Variants in TARS3 observed in about 807,000 individuals in gnomAD.
TARS3 encodes the protein threonyl-tRNA synthetase 3.
In TARS3, 94 loss-of-function variants were observed where a neutral mutation model predicts 103.5. The ratio of observed to expected loss-of-function variants is 0.91; its 90% confidence interval spans 0.77 to 1.08. The LOEUF is 1.08. Ranked by LOEUF, TARS3 falls within the 50% of genes least tolerant of loss-of-function variation. The pLI is 0.00. For missense variants in TARS3, 952 were observed against 995.2 expected (o/e 0.96, Z 0.58); for synonymous variants, 416 against 355.4 (o/e 1.17, Z -1.92).
At chr15:101,662,943 G>A (rs1171283058) in intron 15 of TARS3, among the ~76,000 whole-genome samples, 3 of 152,104 alleles carry the variant, frequency 2.0e-5, no homozygotes, top group African/African-American at 7.2e-5. Flanking sequence ...TAACCCCAGT[G>A]GATTTGCTTA....
At chr15:101,670,551 A>T (rs977577186) in intron 15 of TARS3, among the ~76,000 whole-genome samples, 4 of 152,222 alleles carry the variant, frequency 2.6e-5, no homozygotes, top group Admixed American at 6.5e-5. Context: ...AACATCTGGA[A>T]CTCTTTACAC....
At position 101,678,924 on chromosome 15, in the gene TARS3, CTT is replaced by C. The variant is rs571982904; in HGVS notation, c.1651-3189_1651-3188del. 5.7e-4 allele frequency among the ~76,000 whole-genome samples: 86 copies of C among 152,182 alleles called. No homozygotes were observed. The East Asian group carries it at 0.016, about 28-fold the overall frequency. On this transcript the variant is annotated intron_variant, in intron 12 of 18. Transcript: ENST00000335968. The stretch of plus-strand genomic sequence containing the variant: ...ACATAGAATTCTGGGTTGAAAATTC[CTT>C]TTTCTTTTTTCAGCACTTTAAAAGT...
intron 10 of TARS3, among the ~76,000 whole-genome samples, chr15:101,689,471 G>A (rs1373589718): frequency 6.6e-6 from 1 of 152,026 alleles, no homozygotes; most frequent in Non-Finnish European, 1.5e-5. Context: ...ATTAAAATGA[G>A]ATCATTAGGG....
In TARS3 at chr15:101,715,435, C is replaced by T. The variant is rs568893182; in HGVS notation, c.567-472G>A. On this transcript the variant is annotated intron_variant, in intron 3 of 18. Coordinates refer to ENST00000335968, the MANE Select transcript of TARS3 (RefSeq NM_152334.3). The stretch of plus-strand genomic sequence containing the variant: ...TGCTGGGATTACAGGCGTGAGCCAC[C>T]GCGCCCAGCCACATTCACTGTTTAA... 3.9e-5 allele frequency among the ~76,000 whole-genome samples: 6 copies of T among 152,168 alleles called. 1 individual carries two copies. Among genetic ancestry groups the T allele is most frequent in the South Asian group, 4.1e-4 (2 of 4,820 alleles).
At position 101,724,371 on chromosome 15, in the gene TARS3, A is replaced by T; in HGVS notation, c.17T>A (p.Leu6Gln). MAAEALAAEAVASRLE... is the reference protein window; with the variant it reads MAAEAQAAEAVASRLE... ...GCGCGACGCCACGGCCTCCGCCGCC[A>T]GGGCCTCGGCCGCCATCGCGGCCTC... Residue 6 changes from leucine to glutamine, a missense_variant, in exon 1 of 19, where the codon CTG becomes CAG. Coordinates refer to ENST00000335968, the MANE Select transcript of TARS3 (RefSeq NM_152334.3). 6.5e-7 allele frequency: 1 copy of T among 1,526,750 alleles called. No individual in the cohort carries two copies. Among genetic ancestry groups the T allele is most frequent in the Non-Finnish European group, 8.7e-7 (1 of 1,143,370 alleles). 94.6% of individuals were successfully genotyped at this position (1,526,750 alleles called of 1,614,324 possible).
intron 12 of TARS3, among the ~76,000 whole-genome samples, chr15:101,678,320 G>C (rs1048994398): frequency 1.3e-5 from 2 of 152,008 alleles, no homozygotes; most frequent in African/African-American, 4.8e-5. Flanking sequence ...TCTTTTAATT[G>C]GTTTATTTAG....
chr15:101,675,784 TTA>T (rs752223092), intron 12 of TARS3, 47 bp from the exon 13 acceptor site: 2 of 1,567,604 alleles, frequency 1.3e-6, no homozygotes, highest in East Asian at 2.2e-5. Context: ...TCAAATTCAT[TTA>T]TGTTTTAAAA....
rs1028301875 is a variant in TARS3 at position 101,703,793 on chromosome 15, T to C, written c.1074+66A>G. ...ACAAAAGATATGATTGAATAAGATA[T>C]GATTAAAATCCTTTAATAGCTAGTG... On this transcript the variant is annotated intron_variant, in intron 8 of 18. Transcript: ENST00000335968. The C allele has an allele frequency of 1.2e-5, 11 of 928,980 alleles. No homozygotes were observed. In the African/African-American group the frequency reaches 1.3e-4, roughly 11 times the overall value. 57.5% of individuals were successfully genotyped at this position (928,980 alleles called of 1,614,324 possible).
chr15:101,671,790 C>CTT (rs139057031), intron 13 of TARS3, 42 bp from the exon 14 acceptor site: 22 of 1,348,996 alleles, frequency 1.6e-5, no homozygotes, highest in East Asian at 1.0e-4. Context: ...TACACTGTAT[C>CTT]TTTTTTTTTT....
At position 101,705,822 on chromosome 15, in the gene TARS3, G is replaced by GAAAC. The variant is rs916465341; in HGVS notation, c.931-79_931-76dup. 4.1e-5 allele frequency: 51 copies of GAAAC among 1,232,004 alleles called. No individual in the cohort carries two copies. The African/African-American group carries it at 7.0e-4, about 17-fold the overall frequency. The allele number at this position is 1,232,004 out of a possible 1,614,324, so 76.3% of individuals were successfully genotyped here. On this transcript the variant is annotated intron_variant, in intron 6 of 18. Coordinates refer to ENST00000335968, the MANE Select transcript of TARS3 (RefSeq NM_152334.3). The stretch of plus-strand genomic sequence containing the variant: ...AGAAAACAACTCTACTTTTCTTCAA[G>GAAAC]AAACATTGAAAGGTCATCTACTGAT...
In TARS3 at chr15:101,714,936, T is replaced by C; in HGVS notation, c.594A>G (p.Ile198Met). ...ISQELAESTV[I>M]AKVNGELWDL... ...CCCACAGTTCACCATTGACTTTGGC[T>C]ATTACCGTGCTTTCAGCCAGTTCCT... The change falls in exon 4 of 19, where the codon ATA becomes ATG. Residue 198 changes from isoleucine to methionine, a missense_variant. By Grantham distance (10) the Ile-to-Met change is conservative. This residue lies in a region of TARS3 where 412 missense variants were observed against 364.2 expected (regional missense o/e 1.13). Coordinates refer to ENST00000335968, the MANE Select transcript of TARS3 (RefSeq NM_152334.3). 6.2e-7 allele frequency: 1 copy of C among 1,611,498 alleles called. No individual in the cohort carries two copies. The highest frequency in any genetic ancestry group is 2.2e-5 in the East Asian group (1 of 44,820).
chr15:101,654,514 A>G lies in TARS3; in HGVS notation c.*68T>C, dbSNP rs1349246075. ...GCTCCAAAGTCGTAGAAGTACTAAC[A>G]TGTTAAGAAAAATACATTTTTAAGG... On this transcript the variant is annotated 3_prime_UTR_variant, in exon 19 of 19. Transcript: ENST00000335968. 2 of 1,557,252 alleles carry G rather than the reference A, an allele frequency of 1.3e-6. No homozygotes were observed. Among genetic ancestry groups the G allele is most frequent in the African/African-American group, 1.4e-5 (1 of 72,324 alleles).
At chr15:101,656,817 A>T in intron 18 of TARS3, 105 bp downstream of exon 18, 1 of 708,030 alleles carries the variant, frequency 1.4e-6, no homozygotes, top group East Asian at 2.7e-5. Flanking sequence ...TATTAAATAG[A>T]CAAATCATGA....
intron 10 of TARS3, among the ~76,000 whole-genome samples, chr15:101,691,912 G>C (rs1898743522): frequency 6.7e-6 from 1 of 150,068 alleles, no homozygotes; most frequent in Non-Finnish European, 1.5e-5. Flanking sequence ...AGATTCATCA[G>C]CTCCCCTGGT....
chr15:101,657,464 A>G (rs1187770639), intron 17 of TARS3, among the ~76,000 whole-genome samples: 1 of 152,212 alleles, frequency 6.6e-6, no homozygotes, highest in Non-Finnish European at 1.5e-5. Flanking sequence ...TGAGATCATC[A>G]ATGTTTGTTG....
intron 13 of TARS3, among the ~76,000 whole-genome samples, chr15:101,675,177 G>A (rs1897970767): frequency 6.6e-6 from 1 of 152,188 alleles, no homozygotes; most frequent in Non-Finnish European, 1.5e-5. Flanking sequence ...ACAGGGCAGG[G>A]CACGACAGGA....
At position 101,654,337 on chromosome 15, in the gene TARS3, C is replaced by A. The variant is rs1897120064; in HGVS notation, c.*245G>T. 1.0e-5 allele frequency: 4 copies of A among 394,592 alleles called. No individual in the cohort carries two copies. The highest frequency in any genetic ancestry group is 8.3e-5 in the African/African-American group (4 of 48,270). 24.4% of individuals were successfully genotyped at this position (394,592 alleles called of 1,614,324 possible). A position where few individuals can be genotyped will look rare whatever the true frequency, so the allele number is the denominator to read the frequency against. On this transcript the variant is annotated 3_prime_UTR_variant, in exon 19 of 19. Coordinates refer to ENST00000335968, the MANE Select transcript of TARS3 (RefSeq NM_152334.3). ...ACTTTCTCGATGAATAATATTTCCC[C>A]ATTTAAGTTTCTCAAGGCATTGATT...
rs767276222 is a variant in TARS3, at chr15:101,653,848, C to T, written c.*734G>A. On this transcript the variant is annotated 3_prime_UTR_variant, in exon 19 of 19. Transcript: ENST00000335968. ...TGAAATCCATTTCAGTACATAAATC[C>T]ATGGAATGTCATCCCATCAAAAAAG... The T allele has an allele frequency of 3.9e-5, 6 of 152,174 alleles. No homozygotes were observed. The highest frequency in any genetic ancestry group is 1.9e-4 in the East Asian group (1 of 5,196). 9.4% of individuals were successfully genotyped at this position (152,174 alleles called of 1,614,324 possible).
chr15:101,709,006 C>A, intron 5 of TARS3, 96 bp from the exon 6 acceptor site: 1 of 783,086 alleles, frequency 1.3e-6, no homozygotes, highest in Non-Finnish European at 2.0e-6. Context: ...AAATTTGAAT[C>A]TGCTGTCTTA....
Sources: allele counts gnomAD v4.1 joint callset (sites outside exome capture counted in the v4.1 genomes callset), GRCh38; gene constraint gnomAD v4.1.1; regional missense constraint gnomAD v4.1.1; transcripts MANE v1.5; gene names NCBI Gene and HGNC (gene_info 2026-07-23, HGNC 2026-07-21).